Variants in PLCL1 observed in about 807,000 individuals in gnomAD.
PLCL1 encodes the protein inactive phospholipase C-like protein 1.
PLCL1 carries 41 observed loss-of-function variants against 84.4 expected under a neutral mutation model. That is an observed-to-expected ratio of 0.49 (90% confidence interval 0.38 to 0.63). PLCL1 has a LOEUF of 0.63. Ranked by LOEUF, PLCL1 falls within the 30% of genes least tolerant of loss-of-function variation. PLCL1 has a pLI of 0.00. For missense variants in PLCL1, 1,206 were observed against 1,367.8 expected (o/e 0.88, Z 1.87); for synonymous variants, 490 against 488.3 (o/e 1.00, Z -0.05).
intron 1 of PLCL1, chr2:198,071,010 T>G: frequency 1.1e-6 from 1 of 914,466 alleles, no homozygotes; most frequent in East Asian, 1.2e-4. Context: ...TGGAATATAT[T>G]CTTCCAGACT....
intron 1 of PLCL1, among the ~76,000 whole-genome samples, chr2:197,900,204 T>A (rs1176654978): frequency 6.6e-6 from 1 of 152,216 alleles, no homozygotes; most frequent in South Asian, 2.1e-4. Flanking sequence ...GAAGAGTGAG[T>A]ACATATAGTA....
intron 3 of PLCL1, among the ~76,000 whole-genome samples, chr2:198,094,930 C>T (rs529231534): frequency 1.4e-4 from 22 of 152,200 alleles, no homozygotes; most frequent in Middle Eastern, 3.4e-3. Context: ...AAACGTGTCA[C>T]GGCTGGAGGT....
intron 5 of PLCL1, among the ~76,000 whole-genome samples, chr2:198,136,233 A>T (rs1163879882): frequency 6.6e-6 from 1 of 152,136 alleles, no homozygotes; most frequent in Non-Finnish European, 1.5e-5. Flanking sequence ...CGATCATTAG[A>T]GTTTTCCATG....
intron 1 of PLCL1, among the ~76,000 whole-genome samples, chr2:197,875,990 A>G (rs896094554): frequency 6.6e-6 from 1 of 152,176 alleles, no homozygotes; most frequent in Non-Finnish European, 1.5e-5. Context: ...TAACACTGCT[A>G]CAGTCATAGA....
intron 1 of PLCL1, among the ~76,000 whole-genome samples, chr2:198,007,231 G>C (rs1690747949): frequency 6.6e-6 from 1 of 152,004 alleles, no homozygotes; most frequent in Admixed American, 6.5e-5. Context: ...AGTATCTTTG[G>C]GGATCAGCAT....
At chr2:197,807,501 T>A (rs993353861) in intron 1 of PLCL1, among the ~76,000 whole-genome samples, 5 of 104,008 alleles carry the variant, frequency 4.8e-5, no homozygotes, top group Non-Finnish European at 8.1e-5. Flanking sequence ...AGGCAGGTGG[T>A]AAGCTCTGTT....
chr2:198,017,535 T>A (rs943913571), intron 1 of PLCL1, among the ~76,000 whole-genome samples: 1 of 152,236 alleles, frequency 6.6e-6, no homozygotes, highest in Non-Finnish European at 1.5e-5. Context: ...TCTCTTTGTA[T>A]GTCTTAATGT....
intron 1 of PLCL1, among the ~76,000 whole-genome samples, chr2:197,836,574 T>C (rs545479578): frequency 6.6e-6 from 1 of 152,300 alleles, no homozygotes; most frequent in East Asian, 1.9e-4. Flanking sequence ...AAATTTTTGT[T>C]AGCTCTGTTA....
At chr2:197,998,062 G>A (rs1052402900) in intron 1 of PLCL1, among the ~76,000 whole-genome samples, 7 of 152,102 alleles carry the variant, frequency 4.6e-5, no homozygotes, top group African/African-American at 1.2e-4. Flanking sequence ...GTGGGTGGGA[G>A]TGGTGGAGAG....
At chr2:198,075,128 A>G (rs149322136) in intron 1 of PLCL1, among the ~76,000 whole-genome samples, 1 of 152,202 alleles carries the variant, frequency 6.6e-6, no homozygotes. Context: ...CACCAGAAAC[A>G]ACAGTCAGTG....
intron 1 of PLCL1, among the ~76,000 whole-genome samples, chr2:197,946,704 C>T (rs896608870): frequency 6.6e-6 from 1 of 152,170 alleles, no homozygotes; most frequent in African/African-American, 2.4e-5. Flanking sequence ...AACGCTCCTG[C>T]AGGCTCCTTT....
At chr2:198,077,726 G>A (rs1194413908) in intron 1 of PLCL1, among the ~76,000 whole-genome samples, 1 of 152,066 alleles carries the variant, frequency 6.6e-6, no homozygotes, top group African/African-American at 2.4e-5. Flanking sequence ...TTTCCATTGG[G>A]CAACTTCACC....
At chr2:197,826,358 A>G (rs771009) in intron 1 of PLCL1, among the ~76,000 whole-genome samples, 110,752 of 152,162 alleles carry the variant, frequency 0.73, 41,394 homozygotes, top group African/African-American at 0.9. Flanking sequence ...GAATTTCTTA[A>G]TTCTGATAGA....
At chr2:198,066,971 A>G (rs569254941) in intron 1 of PLCL1, among the ~76,000 whole-genome samples, 1 of 152,264 alleles carries the variant, frequency 6.6e-6, no homozygotes, top group African/African-American at 2.4e-5. Context: ...ATCCTTTAAT[A>G]TATCTTTCTC....
intron 1 of PLCL1, among the ~76,000 whole-genome samples, chr2:198,062,739 T>TA (rs1239718394): frequency 6.6e-6 from 1 of 151,948 alleles, no homozygotes; most frequent in Non-Finnish European, 1.5e-5. Flanking sequence ...TATCATTTGT[T>TA]AAAAAAAATA....
At chr2:197,914,159 A>G (rs765946234) in intron 1 of PLCL1, among the ~76,000 whole-genome samples, 3 of 152,166 alleles carry the variant, frequency 2.0e-5, no homozygotes, top group Non-Finnish European at 4.4e-5. Context: ...AGGGTAACTG[A>G]AACACTTTAG....
At chr2:198,071,165 A>G (rs1692456109) in intron 1 of PLCL1, 1 of 162,914 alleles carries the variant, frequency 6.1e-6, no homozygotes, top group Non-Finnish European at 1.3e-5. Context: ...ATAGGTCTGC[A>G]TCACCCATTA....
chr2:197,985,554 C>T (rs1690203625), intron 1 of PLCL1, among the ~76,000 whole-genome samples: 2 of 152,046 alleles, frequency 1.3e-5, no homozygotes, highest in Admixed American at 1.3e-4. Context: ...TGCTAATTAC[C>T]CTGATTTGAG....
intron 1 of PLCL1, among the ~76,000 whole-genome samples, chr2:197,923,099 A>C (rs866792740): frequency 1.0e-2 from 550 of 55,040 alleles, no homozygotes; most frequent in Middle Eastern, 0.036. Flanking sequence ...CCACCTCCCT[A>C]CCGGACGGGG....
Sources: allele counts gnomAD v4.1 joint callset (sites outside exome capture counted in the v4.1 genomes callset), GRCh38; gene constraint gnomAD v4.1.1; transcripts MANE v1.5; gene names NCBI Gene and HGNC (gene_info 2026-07-23, HGNC 2026-07-21).